Variants in WASF3 observed in about 807,000 individuals in gnomAD.
WASF3 encodes the protein WASP family member 3, also known as actin-binding protein WASF3.
A neutral mutation model predicts 46.6 loss-of-function variants in WASF3; 11 were observed. The ratio of observed to expected loss-of-function variants is 0.24; its 90% confidence interval spans 0.15 to 0.39. The LOEUF (loss-of-function observed/expected upper bound fraction) is 0.39. Among genes scored for constraint, WASF3 ranks in the 10% least tolerant of loss-of-function variants. WASF3 has a pLI of 1.00. For synonymous variants in WASF3, 242 were observed against 259.7 expected, an observed-to-expected ratio of 0.93 and a Z score of 0.65; for missense variants, 576 against 669.8, an observed-to-expected ratio of 0.86 and a Z score of 1.55.
At chr13:26,674,119 C>A (rs1293552199) in intron 6 of WASF3, among the ~76,000 whole-genome samples, 1 of 152,018 alleles carries the variant, frequency 6.6e-6, no homozygotes, top group Non-Finnish European at 1.5e-5. Context: ...GGATTCATCA[C>A]TGTTCATATT....
At chr13:26,657,170 T>A (rs896706338) in intron 3 of WASF3, among the ~76,000 whole-genome samples, 1 of 152,212 alleles carries the variant, frequency 6.6e-6, no homozygotes, top group African/African-American at 2.4e-5. Flanking sequence ...CAAAATCCCT[T>A]GTCAACAAAA....
At chr13:26,621,081 T>C (rs930680939) in intron 2 of WASF3, among the ~76,000 whole-genome samples, 1 of 152,156 alleles carries the variant, frequency 6.6e-6, no homozygotes, top group African/African-American at 2.4e-5. Flanking sequence ...AGCAGGATGC[T>C]GGGGGGTCTG....
Position 26,665,082 on chromosome 13 carries a change from A to C in WASF3, c.188A>C (p.Tyr63Ser). The C allele has an allele frequency of 6.2e-7, 1 of 1,614,190 alleles. No individual in the cohort carries two copies. The highest frequency in any genetic ancestry group is 8.5e-7 in the Non-Finnish European group (1 of 1,180,010). Residue 63 changes from tyrosine to serine, a missense_variant, in exon 4 of 10, where the codon TAC (tyrosine) becomes TCC (serine). Physicochemically the swap from Tyr to Ser is moderately radical, Grantham distance 144 (BLOSUM62 -2). Around this residue, in one of 3 missense-constraint regions of WASF3, gnomAD observed 213 missense variants for 278.0 expected, o/e 0.77. Transcript: ENST00000335327. ...GELFNEANNF[Y>S]IRANSLQDRI... ...TTGTTTAATGAGGCTAACAACTTCT[A>C]CATCAGAGCAAATTCTCTTCAAGAC...
intron 3 of WASF3, 117 bp downstream of exon 3, chr13:26,642,520 C>A: frequency 7.9e-7 from 1 of 1,259,220 alleles, no homozygotes; most frequent in Non-Finnish European, 1.1e-6. Flanking sequence ...GATCCTTTCT[C>A]CTTCTGTATT....
intron 7 of WASF3, 36 bp downstream of exon 7, chr13:26,676,760 T>C (rs1226446402): frequency 2.5e-6 from 4 of 1,578,062 alleles, no homozygotes; most frequent in African/African-American, 2.7e-5. Flanking sequence ...GCCCTGATGC[T>C]TGGGCAACTG....
At chr13:26,558,196 C>T (rs1206734606) in intron 1 of WASF3, among the ~76,000 whole-genome samples, 1 of 151,910 alleles carries the variant, frequency 6.6e-6, no homozygotes, top group Non-Finnish European at 1.5e-5. Context: ...CGCTCGCGCC[C>T]CACGCACGAC....
At chr13:26,564,091 CCA>C (rs149901857) in intron 1 of WASF3, among the ~76,000 whole-genome samples, 3,134 of 152,074 alleles carry the variant, frequency 0.021, 70 homozygotes, top group Non-Finnish European at 0.025. Flanking sequence ...TTAAGTCAGC[CCA>C]CACATGTTTG....
chr13:26,594,859 C>T (rs553524234), intron 1 of WASF3, among the ~76,000 whole-genome samples: 1 of 152,120 alleles, frequency 6.6e-6, no homozygotes, highest in Non-Finnish European at 1.5e-5. Context: ...TCTGTGGCTG[C>T]TCTCTGGCAG....
intron 1 of WASF3, chr13:26,577,171 T>C (rs768577826): frequency 5.6e-5 from 42 of 755,798 alleles, no homozygotes; most frequent in Non-Finnish European, 9.7e-5. Context: ...GGGCAAAAAC[T>C]TCCTAACTTC....
Position 26,681,272 on chromosome 13 carries a change from C to T in WASF3, c.935C>T (p.Ala312Val). The T allele has an allele frequency of 6.2e-7, 1 of 1,612,868 alleles. No individual in the cohort carries two copies. Among genetic ancestry groups the T allele is most frequent in the Non-Finnish European group, 8.5e-7 (1 of 1,179,642 alleles). The change falls in exon 8 of 10, where the codon GCC (alanine) becomes GTC (valine). Residue 312 changes from alanine to valine, a missense_variant. By Grantham distance (64) the Ala-to-Val change is moderately conservative. Coordinates refer to ENST00000335327, the MANE Select transcript of WASF3 (RefSeq NM_006646.6). ...QQPPPPPPPQ[A>V]PEGSQASAPM... ...CCGCCCCCCCCGCCTCCCCCTCAGG[C>T]CCCAGAGGGGTCCCAGGCCTCTGCA...
At chr13:26,621,383 A>G (rs1881301324) in intron 2 of WASF3, among the ~76,000 whole-genome samples, 1 of 152,206 alleles carries the variant, frequency 6.6e-6, no homozygotes, top group Admixed American at 6.5e-5. Flanking sequence ...CTGAATGTCT[A>G]ACTGAAAAGG....
the WASF3 span, among the ~76,000 whole-genome samples, chr13:26,552,357 G>T: frequency 2.0e-5 from 3 of 152,106 alleles, no homozygotes; most frequent in African/African-American, 7.2e-5. Flanking sequence ...TCAAAATAAA[G>T]TTAATATCAA....
chr13:26,583,113 G>A (rs1280467758), intron 1 of WASF3, among the ~76,000 whole-genome samples: 1 of 152,190 alleles, frequency 6.6e-6, no homozygotes, highest in Non-Finnish European at 1.5e-5. Context: ...GACAGTTACT[G>A]TGGATAGCAT....
intron 1 of WASF3, among the ~76,000 whole-genome samples, chr13:26,563,376 G>A (rs367803334): frequency 3.6e-4 from 55 of 151,942 alleles, no homozygotes; most frequent in East Asian, 5.8e-4. Context: ...TAATTTTTCC[G>A]CACTAATGCC....
chr13:26,642,488 G>C (rs927620245), intron 3 of WASF3, 85 bp downstream of exon 3: 4 of 1,437,424 alleles, frequency 2.8e-6, no homozygotes, highest in Non-Finnish European at 3.7e-6. Flanking sequence ...GTCCAAAGAA[G>C]AGATTGCAGC....
At chr13:26,565,185 GAAAA>G (rs58508606) in intron 1 of WASF3, among the ~76,000 whole-genome samples, 1 of 138,974 alleles carries the variant, frequency 7.2e-6, no homozygotes, top group Non-Finnish European at 1.5e-5. Context: ...GTCTCAGAAA[GAAAA>G]AAAAAAAAAA....
chr13:26,588,645 A>T (rs989796381), intron 1 of WASF3, among the ~76,000 whole-genome samples: 1 of 152,164 alleles, frequency 6.6e-6, no homozygotes, highest in African/African-American at 2.4e-5. Flanking sequence ...GTAGTTTTAA[A>T]ATGCGTAACA....
In WASF3 at chr13:26,642,089, A is replaced by G. The variant is rs77798894; in HGVS notation, c.-10-172A>G. 2.5e-3 allele frequency: 1,451 copies of G among 578,358 alleles called. 14 individuals are homozygous for G. The highest frequency in any genetic ancestry group is 0.023 in the African/African-American group (1,193 of 52,122). The allele number at this position is 578,358 out of a possible 1,614,324, so 35.8% of individuals were successfully genotyped here. ...TACTATACATGTACCTTCAGGCTCT[A>G]TAAAACTCACTAAAGTAATTCACTG... On this transcript the variant is annotated intron_variant, in intron 2 of 9. Transcript: ENST00000335327.
intron 1 of WASF3, among the ~76,000 whole-genome samples, chr13:26,560,752 C>T (rs547956553): frequency 3.9e-5 from 6 of 152,122 alleles, no homozygotes; most frequent in Non-Finnish European, 5.9e-5. Flanking sequence ...TAATATGTGC[C>T]GGGGATACAG....
Sources: allele counts gnomAD v4.1 joint callset (sites outside exome capture counted in the v4.1 genomes callset), GRCh38; gene constraint gnomAD v4.1.1; regional missense constraint gnomAD v4.1.1; transcripts MANE v1.5; gene names NCBI Gene and HGNC (gene_info 2026-07-23, HGNC 2026-07-21).